Variants in VSNL1 observed in about 807,000 individuals in gnomAD.
VSNL1 encodes the protein visinin-like protein 1.
VSNL1 carries 6 observed loss-of-function variants against 20.4 expected under a neutral mutation model. The ratio of observed to expected loss-of-function variants is 0.29; its 90% CI spans 0.16 to 0.58. The LOEUF (loss-of-function observed/expected upper bound fraction) is 0.58. Ranked by LOEUF, VSNL1 falls within the 20% of genes least tolerant of loss-of-function variation. The probability of loss-of-function intolerance (pLI) is 0.90; values close to 1 mark genes in which losing one functional copy is unlikely to be tolerated. For synonymous variants in VSNL1, 93 were observed against 86.4 expected (o/e 1.08, Z -0.42); for missense variants, 100 against 234.5 (o/e 0.43, Z 3.75).
intron 1 of VSNL1, among the ~76,000 whole-genome samples, chr2:17,556,033 T>C (rs1572329442): frequency 6.6e-6 from 1 of 152,200 alleles, no homozygotes; most frequent in East Asian, 1.9e-4. Flanking sequence ...CCAAGCAGAA[T>C]ACCTGCCTCA....
chr2:17,616,819 G>A (rs1020202399), intron 2 of VSNL1, among the ~76,000 whole-genome samples: 3 of 152,210 alleles, frequency 2.0e-5, no homozygotes, highest in African/African-American at 7.2e-5. Flanking sequence ...AAGGAAGAAA[G>A]GCCCTCAAAG....
intron 1 of VSNL1, among the ~76,000 whole-genome samples, chr2:17,546,314 T>C (rs1253770070): frequency 6.6e-6 from 1 of 152,060 alleles, no homozygotes; most frequent in Admixed American, 6.5e-5. Flanking sequence ...TCTCACTTTT[T>C]AAGTATACTT....
At chr2:17,647,990 T>C (rs1316159283) in intron 2 of VSNL1, among the ~76,000 whole-genome samples, 2 of 152,166 alleles carry the variant, frequency 1.3e-5, no homozygotes, top group Admixed American at 1.3e-4. Context: ...CAGGAAAAGA[T>C]ATGTTTGATG....
chr2:17,578,034 C>T lies in VSNL1; in HGVS notation c.-5-14036C>T, dbSNP rs375508497. ...GAAGAAGTGAGGTAATCCATGAACACATAGTGAGCACTTGATCATATAAGC... is the reference window on the plus strand; with the variant it reads ...GAAGAAGTGAGGTAATCCATGAACATATAGTGAGCACTTGATCATATAAGC... On this transcript the variant is annotated intron_variant, in intron 1 of 3. Coordinates refer to ENST00000295156, the MANE Select transcript of VSNL1 (RefSeq NM_003385.5). Among the ~76,000 whole-genome samples the T allele has an allele frequency of 1.1e-4, 16 of 152,252 alleles. No homozygotes were observed. The East Asian group carries it at 1.9e-3, about 18-fold the overall frequency.
chr2:17,648,518 G>T (rs1666048351), intron 2 of VSNL1, among the ~76,000 whole-genome samples: 1 of 152,216 alleles, frequency 6.6e-6, no homozygotes, highest in African/African-American at 2.4e-5. Flanking sequence ...CCAGAACCCA[G>T]ATTTATTCAT....
intron 1 of VSNL1, among the ~76,000 whole-genome samples, chr2:17,589,177 C>T (rs916173059): frequency 1.3e-5 from 2 of 152,054 alleles, no homozygotes; most frequent in Non-Finnish European, 2.9e-5. Flanking sequence ...GGAAGTCATT[C>T]TAGGAGAAGA....
intron 1 of VSNL1, among the ~76,000 whole-genome samples, chr2:17,591,033 A>T (rs1664583097): frequency 6.6e-6 from 1 of 152,200 alleles, no homozygotes; most frequent in African/African-American, 2.4e-5. Context: ...AAGCAACTTT[A>T]AAGGGAAAAT....
At chr2:17,646,855 A>G (rs1666009390) in intron 2 of VSNL1, among the ~76,000 whole-genome samples, 1 of 152,220 alleles carries the variant, frequency 6.6e-6, no homozygotes, top group African/African-American at 2.4e-5. Context: ...TCTTCCTAAG[A>G]AATTGAAGGG....
rs35795117 is a variant in VSNL1, at chr2:17,625,840, ATTT to A, written c.163-23549_163-23547del. ...CCAGGTTACAGCATCTCCTTAGCTG[ATTT>A]TTTTTTTTTTTTTTTTTTTTGAGAT... On this transcript the variant is annotated intron_variant, in intron 2 of 3. Coordinates refer to ENST00000295156, the MANE Select transcript of VSNL1 (RefSeq NM_003385.5). 2.2e-4 allele frequency among the ~76,000 whole-genome samples: 24 copies of A among 108,524 alleles called. 1 individual carries two copies. Among genetic ancestry groups the A allele is most frequent in the Admixed American group, 1.2e-3 (13 of 10,718 alleles). The allele number at this position is 108,524 out of a possible 152,430, so 71.2% of individuals were successfully genotyped here.
At chr2:17,573,902 C>T (rs1466415990) in intron 1 of VSNL1, among the ~76,000 whole-genome samples, 1 of 152,194 alleles carries the variant, frequency 6.6e-6, no homozygotes. Context: ...TTTATCTAAG[C>T]TAGGATATTT....
At position 17,644,516 on chromosome 2, in the gene VSNL1, G is replaced by A. The variant is rs1665953012; in HGVS notation, c.163-4894G>A. ...AGACCCCGGAAGAGACAGGCCGAGG[G>A]TCTGTCTGCAGGGCTGGTGTGGGAG... is the stretch of plus-strand genomic sequence containing the variant. On this transcript the variant is annotated intron_variant, in intron 2 of 3. Coordinates refer to ENST00000295156, the MANE Select transcript of VSNL1 (RefSeq NM_003385.5). Among the ~76,000 whole-genome samples the A allele has an allele frequency of 2.0e-5, 3 of 152,232 alleles. No individual in the cohort carries two copies. In the South Asian group the frequency reaches 6.2e-4, roughly 32 times the overall value.
At chr2:17,622,601 A>AAAGG (rs1349807130) in intron 2 of VSNL1, among the ~76,000 whole-genome samples, 83 of 126,726 alleles carry the variant, frequency 6.5e-4, no homozygotes, top group African/African-American at 2.1e-3. Flanking sequence ...AGAAAGAAAG[A>AAAGG]AAAGAAAGAA....
intron 1 of VSNL1, among the ~76,000 whole-genome samples, chr2:17,579,674 C>T (rs1420439164): frequency 6.6e-6 from 1 of 152,186 alleles, no homozygotes; most frequent in Non-Finnish European, 1.5e-5. Context: ...AAACTGAAAC[C>T]TAGCTCTGGT....
At chr2:17,587,218 C>T (rs1218563275) in intron 1 of VSNL1, among the ~76,000 whole-genome samples, 1 of 152,068 alleles carries the variant, frequency 6.6e-6, no homozygotes, top group African/African-American at 2.4e-5. Flanking sequence ...TAAGATTCAG[C>T]TAGGCTGATT....
chr2:17,648,437 C>A (rs116497030), intron 2 of VSNL1, among the ~76,000 whole-genome samples: 1 of 152,156 alleles, frequency 6.6e-6, no homozygotes, highest in African/African-American at 2.4e-5. Context: ...GCAAAACTTA[C>A]GAAGGAAAAG....
At chr2:17,617,909 AC>A (rs1553302998) in intron 2 of VSNL1, among the ~76,000 whole-genome samples, 2 of 124,946 alleles carry the variant, frequency 1.6e-5, no homozygotes, top group African/African-American at 5.1e-5. Context: ...ACACACACAC[AC>A]CCCACCTTAC....
At chr2:17,571,953 AAT>A (rs1435890904) in intron 1 of VSNL1, among the ~76,000 whole-genome samples, 1 of 152,232 alleles carries the variant, frequency 6.6e-6, no homozygotes, top group Non-Finnish European at 1.5e-5. Flanking sequence ...TAAAGGCTGT[AAT>A]ATGAGAAGGA....
At position 17,555,416 on chromosome 2, in the gene VSNL1, C is replaced by T. The variant is rs143737197; in HGVS notation, c.-6+14498C>T. On this transcript the variant is annotated intron_variant, in intron 1 of 3. Transcript: ENST00000295156. ...TGAGATCCTGGAGCACTGATTAATA[C>T]AGTTTTTATGCCATGCTTTGCCTGT... Among the ~76,000 whole-genome samples, 120 of 152,274 alleles carry T rather than the reference C, an allele frequency of 7.9e-4. 1 individual carries two copies. The highest frequency in any genetic ancestry group is 2.7e-3 in the African/African-American group (114 of 41,560).
chr2:17,544,996 T>A (rs1346619326), intron 1 of VSNL1, among the ~76,000 whole-genome samples: 1 of 152,182 alleles, frequency 6.6e-6, no homozygotes, highest in Non-Finnish European at 1.5e-5. Flanking sequence ...TAAAATAGTA[T>A]CTTCAGGAAA....
Sources: gnomAD v4.1 joint callset for allele counts (sites outside exome capture counted in the v4.1 genomes callset) on GRCh38, gnomAD v4.1.1 for gene constraint, MANE v1.5 for transcripts, NCBI Gene and HGNC (gene_info 2026-07-23, HGNC 2026-07-21) for gene names.